Variants in ENG observed in about 807,000 individuals in gnomAD.
ENG encodes endoglin, also known as CD105 antigen.
Under a neutral mutation model 71.0 loss-of-function variants are expected in ENG, and 17 were observed. The observed-to-expected ratio is 0.24, with a 90% CI of 0.16 to 0.36. ENG has a LOEUF of 0.36. Among genes scored for constraint, ENG ranks in the 10% least tolerant of loss-of-function variants. ENG has a pLI of 1.00. For synonymous variants in ENG, 360 were observed against 366.9 expected (o/e 0.98, Z 0.21); for missense variants, 749 against 868.3 (o/e 0.86, Z 1.73).
At chr9:127,823,202 G>A (rs1830510795) in intron 8 of ENG, among the ~76,000 whole-genome samples, 1 of 151,752 alleles carries the variant, frequency 6.6e-6, no homozygotes, top group Non-Finnish European at 1.5e-5. Flanking sequence ...CTGGAGTGCA[G>A]TGGCATGATC....
intron 1 of ENG, among the ~76,000 whole-genome samples, chr9:127,844,954 C>T (rs1239855922): frequency 2.6e-5 from 4 of 152,130 alleles, no homozygotes; most frequent in African/African-American, 4.8e-5. Flanking sequence ...CAGAGCAGAC[C>T]GCAGAGCCCG....
In ENG at chr9:127,820,024, G is replaced by A. The variant is rs1830435061; in HGVS notation, c.1148C>T (p.Thr383Ile). The change falls in exon 9 of 15, where the codon ACC (threonine) becomes ATC (isoleucine). Residue 383 changes from threonine to isoleucine, a missense_variant. Coordinates refer to ENST00000373203, the MANE Select transcript of ENG (RefSeq NM_001114753.3). The stretch of plus-strand genomic sequence containing the variant: ...GTCCCAGAAGGTCAGGCCCGTGATG[G>A]TGCACTTCAAATGCTGGGTCGGAAG... ...KKELVAHLKC[T>I]ITGLTFWDPS... 1 of 1,613,982 alleles carries A rather than the reference G, an allele frequency of 6.2e-7. No homozygotes were observed.
rs1253079496 is a variant in ENG at position 127,847,854 on chromosome 9, C to A, written c.68-4609G>T. On this transcript the variant is annotated intron_variant, in intron 1 of 14. Coordinates refer to ENST00000373203, the MANE Select transcript of ENG (RefSeq NM_001114753.3). ...CATCCAGCCCAGCCACTGCCCCCAGCCACCAGGAGGTCTCAGCATGCCTTG... is the reference window on the plus strand; with the variant it reads ...CATCCAGCCCAGCCACTGCCCCCAGACACCAGGAGGTCTCAGCATGCCTTG... Among the ~76,000 whole-genome samples the A allele has an allele frequency of 2.0e-5, 3 of 152,212 alleles. No individual in the cohort carries two copies. The East Asian group carries it at 5.8e-4, about 29-fold the overall frequency.
intron 2 of ENG, among the ~76,000 whole-genome samples, chr9:127,831,451 G>A (rs1830763390): frequency 2.0e-5 from 3 of 150,866 alleles, no homozygotes; most frequent in South Asian, 2.1e-4. Context: ...GCAATGGGGC[G>A]ATCTTGGCTC....
intron 3 of ENG, among the ~76,000 whole-genome samples, chr9:127,827,923 G>A (rs1249709200): frequency 6.7e-6 from 1 of 150,194 alleles, no homozygotes; most frequent in Non-Finnish European, 1.5e-5. Context: ...GGAGGCTGAG[G>A]CAGGAGAATT....
intron 13 of ENG, chr9:127,816,564 A>C: frequency 4.0e-6 from 1 of 246,982 alleles, no homozygotes; most frequent in Non-Finnish European, 8.1e-6. Flanking sequence ...AGCCTCTGAC[A>C]TCCGATTCTG....
At position 127,818,803 on chromosome 9, in the gene ENG, G is replaced by T; in HGVS notation, c.1341C>A (p.Ser447Arg). The change falls in exon 11 of 15, where the codon AGC becomes AGA. Residue 447 changes from serine (S) to arginine (R), a missense_variant. By Grantham distance (110) the Ser-to-Arg change is moderately radical. Coordinates refer to ENST00000373203, the MANE Select transcript of ENG (RefSeq NM_001114753.3). ...RKKVHCLNMDSLSFQLGLYLS... is the reference protein window; with the variant it reads ...RKKVHCLNMDRLSFQLGLYLS... ...GGTAGAGGCCCAGCTGGAAAGAGAG[G>T]CTGTCCATGTTGAGGCAGTGCACCT... 1 of 1,614,144 alleles carries T rather than the reference G, an allele frequency of 6.2e-7. No individual in the cohort carries two copies. The highest frequency in any genetic ancestry group is 8.5e-7 in the Non-Finnish European group (1 of 1,180,000).
chr9:127,818,624 G>T, intron 11 of ENG, 92 bp downstream of exon 11: 1 of 1,473,398 alleles, frequency 6.8e-7, no homozygotes, highest in Non-Finnish European at 9.5e-7. Flanking sequence ...GACTCTGGGA[G>T]TCTCATCTCC....
Position 127,825,315 on chromosome 9 carries a change from G to A in ENG, c.732C>T (p.Pro244=), listed in dbSNP as rs112262663. Residue 244 remains proline (P), a synonymous_variant, in exon 6 of 15, where the codon CCC becomes CCT. Transcript: ENST00000373203. Reference sequence around the variant, plus strand: ...GGATGAGGACGGCATCGAGATCCCCGGGTGCGCAGCTCAGTTCCACCTTCA... The same window carrying A: ...GGATGAGGACGGCATCGAGATCCCCAGGTGCGCAGCTCAGTTCCACCTTCA... ...VTVKVELSCA[P]GDLDAVLILQ... 392 of 1,611,264 alleles carry A rather than the reference G, an allele frequency of 2.4e-4. 2 individuals carry two copies. The African/African-American group carries it at 3.6e-3, about 15-fold the overall frequency.
At position 127,818,296 on chromosome 9, in the gene ENG, C is replaced by T. The variant is rs116330805; in HGVS notation, c.1510G>A (p.Val504Met). The change falls in exon 12 of 15, where the codon GTG (valine) becomes ATG (methionine). Residue 504 changes from valine to methionine, a missense_variant. Physicochemically the swap from Val to Met is conservative, Grantham distance 21 (BLOSUM62 1). Coordinates refer to ENST00000373203, the MANE Select transcript of ENG (RefSeq NM_001114753.3). ...GCCGCCCGGCCCTGGATGAGTTCCA[C>T]GGTGCCTCCCTCAGGCCCCAAGTCC... ...HLDLGPEGGTVELIQGRAAKG... is the reference protein window; with the variant it reads ...HLDLGPEGGTMELIQGRAAKG... 9.2e-4 allele frequency: 1,488 copies of T among 1,614,110 alleles called. 6 individuals carry two copies. Among genetic ancestry groups the T allele is most frequent in the African/African-American group, 8.5e-3 (637 of 75,050 alleles).
intron 9 of ENG, 92 bp from the exon 10 acceptor site, chr9:127,819,752 T>C (rs1830428153): frequency 6.3e-7 from 1 of 1,590,270 alleles, no homozygotes; most frequent in Admixed American, 1.8e-5. Context: ...ATGGGGAGAC[T>C]AAGCCAACCA....
In ENG at chr9:127,824,929, G is replaced by T; in HGVS notation, c.862C>A (p.Arg288Ser). ...GGTGTGTCTGGGAGCTTGAAGCCAC[G>T]AATGTTTTTCTCTGGAAAGATCTTG... Reference protein sequence around the residue: ...SFKIFPEKNIRGFKLPDTPQG... With the variant: ...SFKIFPEKNISGFKLPDTPQG... Residue 288 changes from arginine (R) to serine (S), a missense_variant, in exon 7 of 15, where the codon CGT (arginine) becomes AGT (serine). Coordinates refer to ENST00000373203, the MANE Select transcript of ENG (RefSeq NM_001114753.3). The T allele has an allele frequency of 6.2e-7, 1 of 1,613,996 alleles. No homozygotes were observed. The highest frequency in any genetic ancestry group is 1.1e-5 in the South Asian group (1 of 91,054).
intron 3 of ENG, among the ~76,000 whole-genome samples, chr9:127,829,237 T>TCTC (rs774692712): frequency 4.6e-5 from 7 of 152,218 alleles, no homozygotes; most frequent in Non-Finnish European, 8.8e-5. Flanking sequence ...ACTAAATGTC[T>TCTC]CTCCTAATCC....
At position 127,836,171 on chromosome 9, in the gene ENG, CA is replaced by C. The variant is rs894692638; in HGVS notation, c.220-6345del. On this transcript the variant is annotated intron_variant, in intron 2 of 14. Coordinates refer to ENST00000373203, the MANE Select transcript of ENG (RefSeq NM_001114753.3). This position sits in a 1 kb window ranked among gnomAD's most constrained non-coding sequence, Gnocchi z 4.0. The stretch of plus-strand genomic sequence containing the variant: ...CTCTCCCGGCCGGGGGCCCCAGAGG[CA>C]AAAAACGATGGCGCCAGCCTTGCCC... Among the ~76,000 whole-genome samples the C allele has an allele frequency of 6.6e-6, 1 of 152,182 alleles. No homozygotes were observed. The highest frequency in any genetic ancestry group is 1.5e-5 in the Non-Finnish European group (1 of 68,026).
In ENG at chr9:127,815,833, G is replaced by A. The variant is rs376579767; in HGVS notation, c.1853-27C>T. 2.0e-4 allele frequency: 310 copies of A among 1,548,468 alleles called. No homozygotes were observed. Among genetic ancestry groups the A allele is most frequent in the African/African-American group, 1.3e-3 (97 of 73,230 alleles). ...TGGGAGCGGGAGCGGGGGCAGGGGCGGAGGTCAGGGTCCTGGCCAGGGCCC... is the reference window on the plus strand; with the variant it reads ...TGGGAGCGGGAGCGGGGGCAGGGGCAGAGGTCAGGGTCCTGGCCAGGGCCC... On this transcript the variant is annotated intron_variant, in intron 14 of 14. Transcript: ENST00000373203.
At chr9:127,835,980 A>AG (rs1345165162) in intron 2 of ENG, among the ~76,000 whole-genome samples, 2 of 152,134 alleles carry the variant, frequency 1.3e-5, no homozygotes, top group African/African-American at 4.8e-5. Context: ...TGGGAAACTC[A>AG]GGGGGGCTGG....
intron 2 of ENG, among the ~76,000 whole-genome samples, chr9:127,837,119 C>G (rs1037243714): frequency 6.6e-6 from 1 of 152,182 alleles, no homozygotes; most frequent in African/African-American, 2.4e-5. Context: ...TGATTCTCCC[C>G]TTGCACACAG....
intron 2 of ENG, among the ~76,000 whole-genome samples, chr9:127,839,356 C>A (rs1026323048): frequency 1.3e-5 from 2 of 152,068 alleles, no homozygotes; most frequent in African/African-American, 4.8e-5. Flanking sequence ...TTAGGGGATG[C>A]CTGGGGAGGA....
intron 8 of ENG, among the ~76,000 whole-genome samples, chr9:127,823,075 C>T (rs547357172): frequency 5.5e-4 from 83 of 152,010 alleles, no homozygotes; most frequent in African/African-American, 1.3e-3. Flanking sequence ...TCTTGAGCTC[C>T]GGCAATCTGC....
Sources: allele counts gnomAD v4.1 joint callset (sites outside exome capture counted in the v4.1 genomes callset), GRCh38; gene constraint gnomAD v4.1.1; non-coding constraint Gnocchi (gnomAD v3.1); transcripts MANE v1.5; gene names NCBI Gene and HGNC (gene_info 2026-07-23, HGNC 2026-07-21).